The following RBL1 variants were observed in gnomAD, a reference collection of about 807,000 sequenced individuals.
RBL1 encodes the protein RB transcriptional corepressor like 1, also known as retinoblastoma-like protein 1.
Under a neutral mutation model 123.0 loss-of-function variants are expected in RBL1, and 82 were observed. The ratio of observed to expected loss-of-function variants is 0.67; its 90% CI spans 0.56 to 0.80. The LOEUF is 0.80. Ranked by LOEUF, RBL1 falls within the 30% of genes least tolerant of loss-of-function variation. The probability of loss-of-function intolerance (pLI) is 0.00; values close to 1 mark genes in which losing one functional copy is unlikely to be tolerated. For synonymous variants in RBL1, 405 were observed against 441.3 expected (o/e 0.92, Z 1.03); for missense variants, 1,171 against 1,299.6 (o/e 0.90, Z 1.52).
chr20:37,013,345 A>G (rs896992490), intron 19 of RBL1, among the ~76,000 whole-genome samples: 1 of 151,474 alleles, frequency 6.6e-6, no homozygotes, highest in Non-Finnish European at 1.5e-5. Flanking sequence ...TAAATGGATT[A>G]AGGGCGGTGC....
chr20:37,020,741 TA>T lies in RBL1; in HGVS notation c.2560-12del. The stretch of plus-strand genomic sequence containing the variant: ...TTCTTCTTTTGTTACCTAAGGAAAA[TA>T]AAAACCGCATTTATCAACTGCTTTT... On this transcript the variant is annotated splice_polypyrimidine_tract_variant and intron_variant, in intron 17 of 21. Transcript: ENST00000373664. 1 of 1,529,752 alleles carries T rather than the reference TA, an allele frequency of 6.5e-7. No individual in the cohort carries two copies. Among genetic ancestry groups the T allele is most frequent in the South Asian group, 1.2e-5 (1 of 82,730 alleles). The allele number at this position is 1,529,752 out of a possible 1,614,324, so 94.8% of individuals were successfully genotyped here.
intron 1 of RBL1, among the ~76,000 whole-genome samples, chr20:37,092,994 G>A (rs1481774166): frequency 1.3e-5 from 2 of 152,048 alleles, no homozygotes; most frequent in Non-Finnish European, 2.9e-5. Context: ...CACATCTGGA[G>A]CTAAGAAGAG....
chr20:37,070,981 T>C (rs1301348552), intron 2 of RBL1, among the ~76,000 whole-genome samples: 1 of 152,024 alleles, frequency 6.6e-6, no homozygotes, highest in Non-Finnish European at 1.5e-5. Context: ...CTGCAACCTC[T>C]GCATCCCAGC....
chr20:37,010,396 T>C (rs947526459), intron 19 of RBL1, among the ~76,000 whole-genome samples: 2 of 152,220 alleles, frequency 1.3e-5, no homozygotes, highest in Non-Finnish European at 2.9e-5. Context: ...AAATATTATA[T>C]ATATGCATAT....
Position 37,003,845 on chromosome 20 carries a change from G to T in RBL1, c.2893C>A (p.Pro965Thr). The T allele has an allele frequency of 6.2e-7, 1 of 1,613,284 alleles. No individual in the cohort carries two copies. Among genetic ancestry groups the T allele is most frequent in the Non-Finnish European group, 8.5e-7 (1 of 1,179,704 alleles). The change falls in exon 21 of 22, where the codon CCT becomes ACT. Residue 965 changes from proline (P) to threonine (T), a missense_variant. Pro to Thr is a conservative substitution (Grantham distance 38). Transcript: ENST00000373664. ...DHMMDAPPLS[P>T]FPHIKQQPGS... ...GGCTGTTGTTTAATATGTGGAAAAGGAGAGAGTGGTGGAGCATCCATCTAA... is the reference window on the plus strand; with the variant it reads ...GGCTGTTGTTTAATATGTGGAAAAGTAGAGAGTGGTGGAGCATCCATCTAA...
intron 2 of RBL1, among the ~76,000 whole-genome samples, chr20:37,088,543 TTATCTATGTTA>T (rs2065590998): frequency 6.6e-6 from 1 of 151,690 alleles, no homozygotes; most frequent in African/African-American, 2.4e-5. Context: ...TGGGAAAGGA[TTATCTATGTTA>T]TAACTTAGAA....
At chr20:37,095,737 G>A (rs774572445) in intron 1 of RBL1, 36 bp downstream of exon 1, 13 of 1,542,182 alleles carry the variant, frequency 8.4e-6, no homozygotes, top group East Asian at 4.6e-5. Flanking sequence ...GGCCTGGCGA[G>A]GGTAGGGTCC....
chr20:37,027,034 A>AC (rs1452789900), intron 16 of RBL1, among the ~76,000 whole-genome samples: 1 of 151,332 alleles, frequency 6.6e-6, no homozygotes, highest in African/African-American at 2.4e-5. Context: ...AACAAAAAAA[A>AC]ACCAAAAAAT....
intron 2 of RBL1, among the ~76,000 whole-genome samples, chr20:37,082,892 C>T (rs2065474747): frequency 6.6e-6 from 1 of 152,072 alleles, no homozygotes; most frequent in African/African-American, 2.4e-5. Context: ...GTCCCAGCTA[C>T]TTGGGAGGAT....
chr20:37,017,658 GT>G (rs2064279429), intron 19 of RBL1, among the ~76,000 whole-genome samples: 1 of 151,206 alleles, frequency 6.6e-6, no homozygotes, highest in African/African-American at 2.4e-5. Context: ...GTGTGACAGA[GT>G]CTCACTTTGC....
At chr20:37,040,315 A>C in intron 13 of RBL1, 30 bp from the exon 14 acceptor site, 10 of 1,603,124 alleles carry the variant, frequency 6.2e-6, no homozygotes, top group Non-Finnish European at 8.5e-6. Flanking sequence ...TTTGATTTAC[A>C]TATAGATAAA....
At chr20:37,078,888 C>T (rs6124605) in intron 2 of RBL1, among the ~76,000 whole-genome samples, 10 of 146,606 alleles carry the variant, frequency 6.8e-5, no homozygotes, top group African/African-American at 2.3e-4. Context: ...TTTTGGGGGG[C>T]GGGCAGGGGG....
Position 37,066,010 on chromosome 20 carries a change from C to CA in RBL1, c.847-538dup, listed in dbSNP as rs1294951211. On this transcript the variant is annotated intron_variant, in intron 6 of 21. Transcript: ENST00000373664. ...TATCTGAGGAACACAAGACTGAATA[C>CA]AAAAATTTGTATAAAAGAAGAAGAA... 2.0e-5 allele frequency among the ~76,000 whole-genome samples: 3 copies of CA among 152,174 alleles called. No individual in the cohort carries two copies. The East Asian group carries it at 5.8e-4, about 29-fold the overall frequency.
At chr20:37,000,732 C>T (rs2063959841) in intron 21 of RBL1, among the ~76,000 whole-genome samples, 1 of 106,638 alleles carries the variant, frequency 9.4e-6, no homozygotes, top group South Asian at 2.9e-4. Context: ...GGGAGGTCAG[C>T]CCCCCGCCCG....
intron 13 of RBL1, among the ~76,000 whole-genome samples, chr20:37,041,708 A>G (rs1198297988): frequency 6.6e-6 from 1 of 152,176 alleles, no homozygotes; most frequent in Non-Finnish European, 1.5e-5. Context: ...AAGTAAGTTT[A>G]ATGGTTTCCT....
In RBL1 at chr20:37,040,190, G is replaced by T. The variant is rs1326604062; in HGVS notation, c.1866C>A (p.Val622=). ...TCCCACTGTCAGTTCGAACTTCCTTGACTCTTGGGTGCATTAGAGGAGACA... is the reference window on the plus strand; with the variant it reads ...TCCCACTGTCAGTTCGAACTTCCTTTACTCTTGGGTGCATTAGAGGAGACA... ...MPMSPLMHPR[V]KEVRTDSGSL... Residue 622 remains valine (V), a synonymous_variant, in exon 14 of 22, where the codon GTC becomes GTA. Coordinates refer to ENST00000373664, the MANE Select transcript of RBL1 (RefSeq NM_002895.5). 1 of 1,613,810 alleles carries T rather than the reference G, an allele frequency of 6.2e-7. No homozygotes were observed. Among genetic ancestry groups the T allele is most frequent in the Non-Finnish European group, 8.5e-7 (1 of 1,179,964 alleles).
chr20:37,000,704 C>A (rs2063959050), intron 21 of RBL1, among the ~76,000 whole-genome samples: 2 of 134,570 alleles, frequency 1.5e-5, no homozygotes, highest in Admixed American at 7.1e-5. Context: ...GCCAGCCGCC[C>A]CGTCCGGGAG....
chr20:37,007,025 T>C (rs1021627524), intron 20 of RBL1, among the ~76,000 whole-genome samples: 7 of 150,528 alleles, frequency 4.7e-5, no homozygotes, highest in Admixed American at 6.7e-5. Flanking sequence ...GGTGGGTAGA[T>C]TGCTTGAGTC....
chr20:37,021,782 A>C (rs2064345558), intron 17 of RBL1: 2 of 197,120 alleles, frequency 1.0e-5, no homozygotes, highest in Admixed American at 4.5e-5. Flanking sequence ...TCATTCTGCA[A>C]ATCAGCAAGA....
Sources: gnomAD v4.1 joint callset for allele counts (sites outside exome capture counted in the v4.1 genomes callset) on GRCh38, gnomAD v4.1.1 for gene constraint, MANE v1.5 for transcripts, NCBI Gene and HGNC (gene_info 2026-07-23, HGNC 2026-07-21) for gene names.